Variants in SLC16A12 observed in about 807,000 individuals in gnomAD.
SLC16A12 encodes the protein monocarboxylate transporter 12.
SLC16A12 carries 17 observed loss-of-function variants against 42.4 expected under a neutral mutation model. That is an observed-to-expected ratio of 0.40 (90% CI 0.27 to 0.60). The LOEUF (loss-of-function observed/expected upper bound fraction) is 0.60. SLC16A12 is among the 20% of genes least tolerant of loss of function. SLC16A12 has a pLI of 0.42. For synonymous variants in SLC16A12, 224 were observed against 229.4 expected (o/e 0.98, Z 0.21); for missense variants, 544 against 623.0 (o/e 0.87, Z 1.35).
chr10:89,454,128 C>T (rs2133722659), intron 3 of SLC16A12, among the ~76,000 whole-genome samples: 1 of 152,080 alleles, frequency 6.6e-6, no homozygotes, highest in African/African-American at 2.4e-5. Context: ...AAGCGATTCG[C>T]CTACCCCCTA....
At chr10:89,527,194 G>A (rs1843467582) in intron 2 of SLC16A12, among the ~76,000 whole-genome samples, 2 of 152,050 alleles carry the variant, frequency 1.3e-5, no homozygotes, top group Admixed American at 1.3e-4. Context: ...AAAAAAATAA[G>A]GGGCTGAGTA....
intron 2 of SLC16A12, among the ~76,000 whole-genome samples, chr10:89,505,741 T>C (rs303193): frequency 0.33 from 50,452 of 152,072 alleles, 9,321 homozygotes; most frequent in Non-Finnish European, 0.43. Context: ...ACTTTTCCCA[T>C]GGTCTTCGCA....
At chr10:89,479,445 T>C (rs976110370) in intron 2 of SLC16A12, among the ~76,000 whole-genome samples, 3 of 152,248 alleles carry the variant, frequency 2.0e-5, no homozygotes, top group South Asian at 2.1e-4. Context: ...GACTACAACT[T>C]GGCTCCTTTT....
chr10:89,489,830 TG>T (rs1842820668), intron 2 of SLC16A12, among the ~76,000 whole-genome samples: 1 of 152,128 alleles, frequency 6.6e-6, no homozygotes, highest in African/African-American at 2.4e-5. Context: ...ATTTCAAATA[TG>T]ATGAAAAAAG....
chr10:89,468,611 T>C (rs1485441148), intron 2 of SLC16A12, among the ~76,000 whole-genome samples: 2 of 152,198 alleles, frequency 1.3e-5, no homozygotes, highest in Non-Finnish European at 2.9e-5. Context: ...ATCACAAGGT[T>C]ATATGGCTGT....
rs928721366 is a variant in SLC16A12 at position 89,436,140 on chromosome 10, C to G, written c.1208G>C (p.Gly403Ala). Residue 403 changes from glycine to alanine, a missense_variant, in exon 7 of 8, where the codon GGG becomes GCG. By Grantham distance (60) the Gly-to-Ala change is moderately conservative (BLOSUM62 0). Coordinates refer to ENST00000371790, the MANE Select transcript of SLC16A12 (RefSeq NM_213606.4). ...LIPVVTTEIV[G>A]TTSLSSALGV... Reference sequence around the variant, plus strand: ...AAGCGCTGATGACAAAGAGGTGGTCCCCACTATCTCTGTGGTCACTACTGG... The same window carrying G: ...AAGCGCTGATGACAAAGAGGTGGTCGCCACTATCTCTGTGGTCACTACTGG... The G allele has an allele frequency of 4.7e-5, 76 of 1,613,896 alleles. No individual in the cohort carries two copies. Among genetic ancestry groups the G allele is most frequent in the Non-Finnish European group, 6.1e-5 (72 of 1,180,012 alleles).
chr10:89,539,065 C>T (rs571800942), upstream of SLC16A12, among the ~76,000 whole-genome samples: 44 of 152,200 alleles, frequency 2.9e-4, no homozygotes, highest in African/African-American at 1.1e-3. Context: ...CTATAAATTC[C>T]GATTTTCCTC....
chr10:89,496,570 A>G (rs779376243), intron 2 of SLC16A12, among the ~76,000 whole-genome samples: 16 of 152,322 alleles, frequency 1.1e-4, no homozygotes, highest in Admixed American at 4.6e-4. Context: ...TGAGCGTCCA[A>G]TGAAATTACT....
rs112520968 is a variant in SLC16A12 at position 89,433,460 on chromosome 10, G to T, written c.1289-134C>A. On this transcript the variant is annotated intron_variant, in intron 7 of 7. Coordinates refer to ENST00000371790, the MANE Select transcript of SLC16A12 (RefSeq NM_213606.4). ...AATTGTAACTTTGAAACAAAAAGAGGTCACCTAAAAATATTGTGCAGCAAC... is the reference window on the plus strand; with the variant it reads ...AATTGTAACTTTGAAACAAAAAGAGTTCACCTAAAAATATTGTGCAGCAAC... The T allele has an allele frequency of 1.0e-3, 953 of 914,310 alleles. 11 individuals carry two copies. In the African/African-American group the frequency reaches 0.013, roughly 13 times the overall value. The allele number at this position is 914,310 out of a possible 1,614,324, so 56.6% of individuals were successfully genotyped here. A position where few individuals can be genotyped will look rare whatever the true frequency, so the allele number is the denominator to read the frequency against.
At chr10:89,539,125 G>A (rs574593545), upstream of SLC16A12, among the ~76,000 whole-genome samples, 9 of 152,228 alleles carry the variant, frequency 5.9e-5, no homozygotes, top group South Asian at 2.1e-4. Flanking sequence ...GCAAGTCTTC[G>A]TTGTAGTGGT....
At chr10:89,479,159 T>A (rs1842624997) in intron 2 of SLC16A12, among the ~76,000 whole-genome samples, 1 of 152,226 alleles carries the variant, frequency 6.6e-6, no homozygotes, top group African/African-American at 2.4e-5. Context: ...GACAAAGACC[T>A]CCTTTTCCAT....
chr10:89,468,695 G>T (rs994899627), intron 2 of SLC16A12, among the ~76,000 whole-genome samples: 1 of 152,204 alleles, frequency 6.6e-6, no homozygotes, highest in Admixed American at 6.6e-5. Context: ...GAAGAAATGT[G>T]CAGGTTAGAC....
At chr10:89,485,742 A>G (rs112773999) in intron 2 of SLC16A12, among the ~76,000 whole-genome samples, 2,328 of 152,304 alleles carry the variant, frequency 0.015, 56 homozygotes, top group African/African-American at 0.018. Context: ...AGAAGCCCCA[A>G]TAAGCATAGT....
chr10:89,492,312 T>C (rs185858476), intron 2 of SLC16A12, among the ~76,000 whole-genome samples: 36 of 152,282 alleles, frequency 2.4e-4, no homozygotes, highest in African/African-American at 8.2e-4. Context: ...GATAAATGTA[T>C]ATAATTATCC....
intron 2 of SLC16A12, among the ~76,000 whole-genome samples, chr10:89,503,866 C>T (rs943204863): frequency 3.3e-5 from 5 of 152,104 alleles, no homozygotes; most frequent in African/African-American, 4.8e-5. Flanking sequence ...AAGTCTATCA[C>T]CAGAGGCTGG....
chr10:89,542,015 G>A (rs1463614868), intron 2 of SLC16A12, among the ~76,000 whole-genome samples: 4 of 152,122 alleles, frequency 2.6e-5, no homozygotes, highest in South Asian at 2.1e-4. Context: ...TATCCCAGGG[G>A]CGATAGTGCC....
chr10:89,450,160 T>C lies in SLC16A12; in HGVS notation c.201-6301A>G, dbSNP rs532091842. Among the ~76,000 whole-genome samples, 3 of 152,304 alleles carry C rather than the reference T, an allele frequency of 2.0e-5. No individual in the cohort carries two copies. In the South Asian group the frequency reaches 6.2e-4, roughly 32 times the overall value. On this transcript the variant is annotated intron_variant, in intron 3 of 7. Transcript: ENST00000371790. ...AATAGGAACTCTTTTACACTGTTGG[T>C]GGGAGTGTGAACTAGTTCAAGTATT... is the stretch of plus-strand genomic sequence containing the variant.
chr10:89,447,451 A>T (rs1337391131), intron 3 of SLC16A12, among the ~76,000 whole-genome samples: 1 of 152,224 alleles, frequency 6.6e-6, no homozygotes, highest in Non-Finnish European at 1.5e-5. Flanking sequence ...GGATTAAGAA[A>T]CTCACTCAAA....
intron 2 of SLC16A12, among the ~76,000 whole-genome samples, chr10:89,527,919 C>T (rs1257292672): frequency 2.0e-5 from 3 of 152,008 alleles, no homozygotes; most frequent in African/African-American, 7.3e-5. Flanking sequence ...CACATTTTCT[C>T]AAAAACAATA....
Sources: gnomAD v4.1 joint callset for allele counts (sites outside exome capture counted in the v4.1 genomes callset) on GRCh38, gnomAD v4.1.1 for gene constraint, MANE v1.5 for transcripts, NCBI Gene and HGNC (gene_info 2026-07-23, HGNC 2026-07-21) for gene names.